CCDC81: variants seen among roughly 807,000 people sequenced by gnomAD.
CCDC81 encodes coiled-coil domain-containing protein 81.
A neutral mutation model predicts 83.7 loss-of-function variants in CCDC81; 79 were observed. The observed-to-expected ratio is 0.94, with a 90% CI of 0.79 to 1.14. The LOEUF is 1.14. Among genes scored for constraint, CCDC81 ranks in the 50% most tolerant of loss-of-function variants. CCDC81 has a pLI of 0.00. For missense variants in CCDC81, 791 were observed against 778.1 expected, an observed-to-expected ratio of 1.02 and a Z score of -0.20; for synonymous variants, 252 against 278.1, an observed-to-expected ratio of 0.91 and a Z score of 0.93.
intron 7 of CCDC81, among the ~76,000 whole-genome samples, chr11:86,406,461 T>G (rs1287117409): frequency 1.3e-5 from 2 of 152,254 alleles, no homozygotes; most frequent in Non-Finnish European, 2.9e-5. Flanking sequence ...GCACTTCTAT[T>G]AAATGCATGT....
At chr11:86,386,380 T>C (rs1478510739) in intron 2 of CCDC81, among the ~76,000 whole-genome samples, 1 of 152,224 alleles carries the variant, frequency 6.6e-6, no homozygotes, top group Non-Finnish European at 1.5e-5. Flanking sequence ...GTAGTGCTGA[T>C]CAGCCTGGGT....
At position 86,400,697 on chromosome 11, in the gene CCDC81, A is replaced by T. The variant is rs747019666; in HGVS notation, c.777A>T (p.Arg259Ser). 33 of 1,611,146 alleles carry T rather than the reference A, an allele frequency of 2.0e-5. No individual in the cohort carries two copies. Among genetic ancestry groups the T allele is most frequent in the Non-Finnish European group, 2.7e-5 (32 of 1,177,660 alleles). Residue 259 changes from arginine to serine, a missense_variant, in exon 7 of 15, where the codon AGA becomes AGT. Physicochemically the swap from Arg to Ser is moderately radical, Grantham distance 110 (BLOSUM62 -1). Transcript: ENST00000445632. The stretch of plus-strand genomic sequence containing the variant: ...CTACAGATATCTCATCACCCAAAAG[A>T]CTTCGAGATAGACAAGCTTTGTTCC... ...EGTRDISSPK[R>S]LRDRQALFPA...
chr11:86,375,237 A>G lies in CCDC81; in HGVS notation c.74A>G (p.Gln25Arg). The G allele has an allele frequency of 3.7e-6, 6 of 1,609,720 alleles. No individual in the cohort carries two copies. The highest frequency in any genetic ancestry group is 5.1e-6 in the Non-Finnish European group (6 of 1,179,534). ...CTGCCCACTCTGCCCTCGCTGAGCC[A>G]GGAGGGTAAGCGTGTTGGGTAGCAG... ...QVLPTLPSLS[Q>R]EEVSIIWGNV... The change falls in exon 1 of 15, where the codon CAG becomes CGG. Residue 25 changes from glutamine (Q) to arginine (R), a missense_variant. Coordinates refer to ENST00000445632, the MANE Select transcript of CCDC81 (RefSeq NM_001156474.2).
chr11:86,390,763 T>C (rs1948317457), intron 3 of CCDC81, among the ~76,000 whole-genome samples: 1 of 152,136 alleles, frequency 6.6e-6, no homozygotes, highest in South Asian at 2.1e-4. Context: ...TGGATGCTCA[T>C]GCTATCAATT....
At chr11:86,409,770 C>T (rs1948613438) in intron 10 of CCDC81, among the ~76,000 whole-genome samples, 1 of 152,074 alleles carries the variant, frequency 6.6e-6, no homozygotes, top group African/African-American at 2.4e-5. Flanking sequence ...TTTTTTTAAG[C>T]AGCGGAGTTG....
intron 1 of CCDC81, among the ~76,000 whole-genome samples, chr11:86,385,536 T>A (rs1176555954): frequency 3.9e-5 from 6 of 152,182 alleles, no homozygotes; most frequent in African/African-American, 1.4e-4. Context: ...AAAATGAGAA[T>A]AAAATGCAGA....
At chr11:86,379,428 G>A (rs1388387962) in intron 1 of CCDC81, among the ~76,000 whole-genome samples, 3 of 152,020 alleles carry the variant, frequency 2.0e-5, no homozygotes, top group Non-Finnish European at 4.4e-5. Flanking sequence ...TTTAGTAGTT[G>A]CCTTAGATTA....
intron 6 of CCDC81, among the ~76,000 whole-genome samples, chr11:86,399,520 C>T (rs559568030): frequency 1.4e-4 from 21 of 151,994 alleles, no homozygotes; most frequent in Non-Finnish European, 2.2e-4. Context: ...TTTGCCATGT[C>T]GCCTAGGCTG....
At chr11:86,391,942 A>AAGAGGGAGGAT (rs1192434570) in intron 3 of CCDC81, among the ~76,000 whole-genome samples, 1 of 152,174 alleles carries the variant, frequency 6.6e-6, no homozygotes, top group Non-Finnish European at 1.5e-5. Flanking sequence ...GAGCAGGAGT[A>AAGAGGGAGGAT]AGAGGGAGGA....
chr11:86,392,853 C>T lies in CCDC81; in HGVS notation c.555+56C>T, dbSNP rs542665698. ...TCTCCTAATTGTGGTTCTGACTCAT[C>T]TATAGGTGTGTTGTAATTAAGAAAA... On this transcript the variant is annotated intron_variant, in intron 4 of 14. Coordinates refer to ENST00000445632, the MANE Select transcript of CCDC81 (RefSeq NM_001156474.2). 2.0e-6 allele frequency: 3 copies of T among 1,494,894 alleles called. No individual in the cohort carries two copies. The South Asian group carries it at 4.1e-5, about 20-fold the overall frequency. The allele number at this position is 1,494,894 out of a possible 1,614,324, so 92.6% of individuals were successfully genotyped here.
In CCDC81 at chr11:86,400,130, CAAAAAA is replaced by C. The variant is rs560965042; in HGVS notation, c.758-535_758-530del. Among the ~76,000 whole-genome samples the C allele has an allele frequency of 3.9e-3, 413 of 106,506 alleles. 1 individual carries two copies. Among genetic ancestry groups the C allele is most frequent in the African/African-American group, 0.013 (395 of 31,490 alleles). 69.9% of individuals were successfully genotyped at this position (106,506 alleles called of 152,430 possible). On this transcript the variant is annotated intron_variant, in intron 6 of 14. Coordinates refer to ENST00000445632, the MANE Select transcript of CCDC81 (RefSeq NM_001156474.2). Reference sequence around the variant, plus strand: ...TGGGCGACAGAGTCAGACTCCATCTCAAAAAAAAAAAAAAAAAAGAAAAAGACTGCA... The same window carrying C: ...TGGGCGACAGAGTCAGACTCCATCTCAAAAAAAAAAAAGAAAAAGACTGCA...
At chr11:86,380,635 G>T (rs1180202493) in intron 1 of CCDC81, among the ~76,000 whole-genome samples, 1 of 151,586 alleles carries the variant, frequency 6.6e-6, no homozygotes, top group Non-Finnish European at 1.5e-5. Context: ...TTTTTTTCCA[G>T]TCTTTGTTCG....
chr11:86,375,298 C>T, intron 1 of CCDC81, 56 bp downstream of exon 1: 1 of 1,486,594 alleles, frequency 6.7e-7, no homozygotes, highest in Non-Finnish European at 9.3e-7. Context: ...CATCTGCTTG[C>T]AGGGGAGGCG....
At chr11:86,416,881 AT>A (rs1401206780) in intron 13 of CCDC81, among the ~76,000 whole-genome samples, 29 of 152,228 alleles carry the variant, frequency 1.9e-4, no homozygotes, top group African/African-American at 5.8e-4. Flanking sequence ...CTGCTAAGCT[AT>A]TTATACTTGT....
Position 86,392,594 on chromosome 11 carries a change from T to G in CCDC81, c.352T>G (p.Phe118Val). Residue 118 changes from phenylalanine to valine, a missense_variant, in exon 4 of 15, where the codon TTT (phenylalanine) becomes GTT (valine). By Grantham distance (50) the Phe-to-Val change is conservative. Transcript: ENST00000445632. The stretch of plus-strand genomic sequence containing the variant: ...TGTCATGATATCCCTGGAGGGTCCA[T>G]TTAACAGAGATGTAGTGGAAGGATG... ...NFVMISLEGP[F>V]NRDVVEGCVK... 10 of 1,551,674 alleles carry G rather than the reference T, an allele frequency of 6.4e-6. No individual in the cohort carries two copies. The highest frequency in any genetic ancestry group is 7.8e-6 in the Non-Finnish European group (9 of 1,146,960).
At chr11:86,380,709 A>G (rs957798445) in intron 1 of CCDC81, among the ~76,000 whole-genome samples, 1 of 152,102 alleles carries the variant, frequency 6.6e-6, no homozygotes, top group African/African-American at 2.4e-5. Flanking sequence ...AGTCATGTCC[A>G]GTCCACTAGT....
At position 86,419,954 on chromosome 11, in the gene CCDC81, T is replaced by C. The variant is rs1458448597; in HGVS notation, c.1718T>C (p.Leu573Pro). The C allele has an allele frequency of 6.2e-7, 1 of 1,613,716 alleles. No individual in the cohort carries two copies. Among genetic ancestry groups the C allele is most frequent in the South Asian group, 1.1e-5 (1 of 90,958 alleles). The stretch of plus-strand genomic sequence containing the variant: ...CACTTGGCAGACAGAACCGCTGAGC[T>C]GGAGCGAGTAAATAGAGTCAACCAA... ...REHLADRTAE[L>P]ERVNRVNQCL... The change falls in exon 14 of 15, where the codon CTG (leucine) becomes CCG (proline). Residue 573 changes from leucine to proline, a missense_variant. Physicochemically the swap from Leu to Pro is moderately conservative, Grantham distance 98. Transcript: ENST00000445632.
At chr11:86,397,840 A>T in intron 6 of CCDC81, 98 bp downstream of exon 6, 1 of 1,378,398 alleles carries the variant, frequency 7.3e-7, no homozygotes, top group South Asian at 1.6e-5. Context: ...ATTTACAAAT[A>T]ATCACTATAT....
intron 10 of CCDC81, among the ~76,000 whole-genome samples, chr11:86,410,991 C>T (rs1302369677): frequency 6.6e-6 from 1 of 152,226 alleles, no homozygotes; most frequent in Non-Finnish European, 1.5e-5. Flanking sequence ...CTTAGATTCA[C>T]TGCTTGCATT....
Sources: gnomAD v4.1 joint callset for allele counts (sites outside exome capture counted in the v4.1 genomes callset) on GRCh38, gnomAD v4.1.1 for gene constraint, MANE v1.5 for transcripts, NCBI Gene and HGNC (gene_info 2026-07-23, HGNC 2026-07-21) for gene names.